The following RAB33B variants were observed in gnomAD, a reference collection of about 807,000 sequenced individuals.
RAB33B encodes the protein ras-related protein Rab-33B.
In RAB33B, 6 loss-of-function variants were observed where a neutral mutation model predicts 15.0. The ratio of observed to expected loss-of-function variants is 0.40; its 90% CI spans 0.22 to 0.79. RAB33B has a LOEUF of 0.79. RAB33B is among the 30% of genes least tolerant of loss of function. The probability of loss-of-function intolerance (pLI) is 0.37; values close to 1 mark genes in which losing one functional copy is unlikely to be tolerated. For synonymous variants in RAB33B, 117 were observed against 108.3 expected (o/e 1.08, Z -0.50); for missense variants, 257 against 296.4 (o/e 0.87, Z 0.98).
the RAB33B span, among the ~76,000 whole-genome samples, chr4:139,444,157 T>G: frequency 6.6e-6 from 1 of 152,192 alleles, no homozygotes; most frequent in Non-Finnish European, 1.5e-5. Flanking sequence ...AGGCTGAATT[T>G]ATTGATTTGG....
In RAB33B at chr4:139,474,968, G is replaced by A. The variant is rs757823739; in HGVS notation, c.*1842G>A. 6.6e-6 allele frequency: 1 copy of A among 152,228 alleles called. No homozygotes were observed. The highest frequency in any genetic ancestry group is 1.5e-5 in the Non-Finnish European group (1 of 67,916). The allele number at this position is 152,228 out of a possible 1,614,324, so 9.4% of individuals were successfully genotyped here. A position where few individuals can be genotyped will look rare whatever the true frequency, so the allele number is the denominator to read the frequency against. On this transcript the variant is annotated 3_prime_UTR_variant, in exon 2 of 2. Coordinates refer to ENST00000305626, the MANE Select transcript of RAB33B (RefSeq NM_031296.3). ...AGATTTTTGTTTAATCATCATGGTG[G>A]TCCTACCTGGATAATTTAACTATAA...
the RAB33B span, among the ~76,000 whole-genome samples, chr4:139,440,009 C>A: frequency 1.3e-5 from 2 of 151,902 alleles, no homozygotes; most frequent in African/African-American, 4.8e-5. Context: ...TTCTCTGTAT[C>A]CTTTGTGATA....
chr4:139,440,090 C>T, the RAB33B span, among the ~76,000 whole-genome samples: 32 of 152,056 alleles, frequency 2.1e-4, no homozygotes, highest in Admixed American at 1.3e-4. Context: ...TCCTCTTCTC[C>T]AGGGTTTGCT....
the RAB33B span, among the ~76,000 whole-genome samples, chr4:139,445,495 T>A: frequency 1.4e-4 from 21 of 152,342 alleles, no homozygotes; most frequent in African/African-American, 4.6e-4. Context: ...CAGTAAAATT[T>A]CTAGGGGTCC....
Position 139,473,062 on chromosome 4 carries a change from A to T in RAB33B, c.626A>T (p.Gln209Leu). ...LKSHKPLMLS[Q>L]PPDNGIILKP... Reference sequence around the variant, plus strand: ...AGCCACAAACCATTAATGCTTAGTCAGCCCCCTGATAATGGAATTATCCTG... The same window carrying T: ...AGCCACAAACCATTAATGCTTAGTCTGCCCCCTGATAATGGAATTATCCTG... The change falls in exon 2 of 2, where the codon CAG (glutamine) becomes CTG (leucine). Residue 209 changes from glutamine (Q) to leucine (L), a missense_variant. Physicochemically the swap from Gln to Leu is moderately radical, Grantham distance 113 (BLOSUM62 -2). Coordinates refer to ENST00000305626, the MANE Select transcript of RAB33B (RefSeq NM_031296.3). The T allele has an allele frequency of 6.2e-7, 1 of 1,614,084 alleles. No homozygotes were observed. Among genetic ancestry groups the T allele is most frequent in the African/African-American group, 1.3e-5 (1 of 75,064 alleles).
chr4:139,440,978 A>C, the RAB33B span, among the ~76,000 whole-genome samples: 6 of 152,120 alleles, frequency 3.9e-5, no homozygotes, highest in African/African-American at 1.4e-4. Context: ...TAGATTGGCT[A>C]TTTGGGCTGG....
rs1426792991 is a variant in RAB33B, at chr4:139,473,025, C to T, written c.589C>T (p.His197Tyr). The T allele has an allele frequency of 3.1e-6, 5 of 1,614,144 alleles. No individual in the cohort carries two copies. The highest frequency in any genetic ancestry group is 4.2e-6 in the Non-Finnish European group (5 of 1,180,026). ...GGAAGCTATATTTATGACCTTGGCT[C>T]ATAAGCTTAAGAGCCACAAACCATT... ...HVEAIFMTLA[H>Y]KLKSHKPLML... Residue 197 changes from histidine to tyrosine, a missense_variant, in exon 2 of 2, where the codon CAT (histidine) becomes TAT (tyrosine). By Grantham distance (83) the His-to-Tyr change is moderately conservative. Coordinates refer to ENST00000305626, the MANE Select transcript of RAB33B (RefSeq NM_031296.3).
At chr4:139,454,535 T>C (rs1750025592) in intron 1 of RAB33B, 91 bp downstream of exon 1, 9 of 1,407,548 alleles carry the variant, frequency 6.4e-6, no homozygotes, top group Admixed American at 2.4e-5. Flanking sequence ...ACGGTGTGTG[T>C]GCGCTCCATT....
intron 1 of RAB33B, among the ~76,000 whole-genome samples, chr4:139,468,327 A>G (rs1750329735): frequency 6.6e-6 from 1 of 152,172 alleles, no homozygotes; most frequent in Admixed American, 6.5e-5. Flanking sequence ...GGTCCCTCCC[A>G]CAACACGTGG....
chr4:139,459,455 C>T (rs964010558), intron 1 of RAB33B, among the ~76,000 whole-genome samples: 2 of 151,946 alleles, frequency 1.3e-5, no homozygotes, highest in Non-Finnish European at 2.9e-5. Context: ...AAAAAAGAGT[C>T]TCCTCACACC....
upstream of RAB33B, chr4:139,453,254 G>GAT (rs1055048140): frequency 1.3e-5 from 2 of 152,216 alleles, no homozygotes; most frequent in African/African-American, 4.8e-5. Flanking sequence ...TTGGGCTGGG[G>GAT]ATATTAGCTC....
intron 1 of RAB33B, among the ~76,000 whole-genome samples, chr4:139,468,888 T>C (rs1001244872): frequency 6.6e-6 from 1 of 152,244 alleles, no homozygotes; most frequent in Non-Finnish European, 1.5e-5. Flanking sequence ...TGCCACTCTC[T>C]CCTGGCCTGT....
chr4:139,447,666 T>C, the RAB33B span, among the ~76,000 whole-genome samples: 1 of 133,706 alleles, frequency 7.5e-6, no homozygotes, highest in African/African-American at 2.9e-5. Context: ...TACTTTTTTT[T>C]TTTTTTTTTT....
upstream of RAB33B, chr4:139,450,202 A>G (rs1300489528): frequency 2.0e-5 from 3 of 152,244 alleles, no homozygotes; most frequent in East Asian, 5.8e-4. Context: ...ACCTATGAAG[A>G]TATGACTTGA....
intron 1 of RAB33B, among the ~76,000 whole-genome samples, chr4:139,466,778 C>T (rs1750295500): frequency 6.6e-6 from 1 of 151,702 alleles, no homozygotes; most frequent in South Asian, 2.1e-4. Context: ...CGGGGTTTTG[C>T]CCTGTTGGCC....
chr4:139,468,158 A>G (rs936043064), intron 1 of RAB33B, among the ~76,000 whole-genome samples: 1 of 152,216 alleles, frequency 6.6e-6, no homozygotes, highest in Non-Finnish European at 1.5e-5. Context: ...CAATCAAGGC[A>G]GAAGGTGAAA....
At chr4:139,458,138 A>G (rs1750105781) in intron 1 of RAB33B, among the ~76,000 whole-genome samples, 1 of 152,160 alleles carries the variant, frequency 6.6e-6, no homozygotes, top group African/African-American at 2.4e-5. Flanking sequence ...ATTATGTTAT[A>G]AAGTTCCAGC....
intron 1 of RAB33B, among the ~76,000 whole-genome samples, chr4:139,461,227 T>A (rs1408257263): frequency 2.6e-5 from 4 of 152,028 alleles, no homozygotes; most frequent in African/African-American, 9.7e-5. Flanking sequence ...CAGACGTAGG[T>A]CACATGCCCT....
In RAB33B at chr4:139,473,273, CT is replaced by C; in HGVS notation, c.*148del. The C allele has an allele frequency of 1.3e-6, 1 of 778,512 alleles. No homozygotes were observed. The highest frequency in any genetic ancestry group is 2.0e-6 in the Non-Finnish European group (1 of 512,202). The allele number at this position is 778,512 out of a possible 1,614,324, so 48.2% of individuals were successfully genotyped here. A position where few individuals can be genotyped will look rare whatever the true frequency, so the allele number is the denominator to read the frequency against. On this transcript the variant is annotated 3_prime_UTR_variant, in exon 2 of 2. Coordinates refer to ENST00000305626, the MANE Select transcript of RAB33B (RefSeq NM_031296.3). Reference sequence around the variant, plus strand: ...ATTGTCACGCTTTTGTATTTTGTATCTACTTAAGTTTGTCACTGTGACAACA... The same window carrying C: ...ATTGTCACGCTTTTGTATTTTGTATCACTTAAGTTTGTCACTGTGACAACA...
Sources: allele counts gnomAD v4.1 joint callset (sites outside exome capture counted in the v4.1 genomes callset), GRCh38; gene constraint gnomAD v4.1.1; transcripts MANE v1.5; gene names NCBI Gene and HGNC (gene_info 2026-07-23, HGNC 2026-07-21).